Variants in NBPF26 observed in about 807,000 individuals in gnomAD.
NBPF26 encodes NBPF family member NBPF26.
NBPF26 carries 79 observed loss-of-function variants against 119.6 expected under a neutral mutation model. That is an observed-to-expected ratio of 0.66 (90% confidence interval 0.55 to 0.80). The LOEUF (loss-of-function observed/expected upper bound fraction) is 0.80. NBPF26 is among the 30% of genes least tolerant of loss of function. NBPF26 has a pLI of 0.00. For missense variants in NBPF26, 800 were observed against 1,198.2 expected (o/e 0.67, Z 4.91); for synonymous variants, 299 against 457.7 (o/e 0.65, Z 4.43).
At chr1:120,752,546 A>AT (rs1651030391) in intron 1 of NBPF26, among the ~76,000 whole-genome samples, 2 of 12,760 alleles carry the variant, frequency 1.6e-4, no homozygotes, top group Non-Finnish European at 2.7e-4. Context: ...ATATATATAT[A>AT]TATATATATT....
At position 120,733,113 on chromosome 1, in the gene NBPF26, TTA is replaced by T. The variant is rs1257251313; in HGVS notation, c.73+8881_73+8882del. Among the ~76,000 whole-genome samples, 5 of 85,046 alleles carry T rather than the reference TTA, an allele frequency of 5.9e-5. 1 individual carries two copies. The highest frequency in any genetic ancestry group is 5.4e-3 in the Middle Eastern group (1 of 184). The allele number at this position is 85,046 out of a possible 152,430, so 55.8% of individuals were successfully genotyped here. A position where few individuals can be genotyped will look rare whatever the true frequency, so the allele number is the denominator to read the frequency against. ...ATTTAGAAAAGCTGTTGATTTATTT[TTA>T]TATATATATATATATATGTTTAGTT... On this transcript the variant is annotated intron_variant, in intron 1 of 29. Transcript: ENST00000620612.
rs1249363065 is a variant in NBPF26, at chr1:120,805,610, A to C, written c.806A>C (p.His269Pro). Residue 269 changes from histidine to proline, a missense_variant, in exon 5 of 30, where the codon CAT becomes CCT. This residue lies in a region of NBPF26 where 155 missense variants were observed against 143.7 expected (regional missense o/e 1.08). Coordinates refer to ENST00000620612, the Ensembl canonical transcript of NBPF26. ...GTCAGCATGGTGGTATCAGCCGGCC[A>C]TTGGTCCAGTGAGAAGGCAGAGATG... is the stretch of plus-strand genomic sequence containing the variant. 1.2e-4 allele frequency: 171 copies of C among 1,462,874 alleles called. 28 individuals are homozygous for C. Among genetic ancestry groups the C allele is most frequent in the African/African-American group, 3.6e-4 (18 of 49,984 alleles). 90.6% of individuals were successfully genotyped at this position (1,462,874 alleles called of 1,614,324 possible). A position where few individuals can be genotyped will look rare whatever the true frequency, so the allele number is the denominator to read the frequency against.
chr1:120,813,514 C>G (rs1180197395), intron 10 of NBPF26, among the ~76,000 whole-genome samples: 1 of 126,920 alleles, frequency 7.9e-6, no homozygotes, highest in South Asian at 2.4e-4. Context: ...AGGGGCTTTC[C>G]CAACTGTACA....
intron 5 of NBPF26, among the ~76,000 whole-genome samples, chr1:120,806,557 A>C (rs1478496682): frequency 1.8e-4 from 22 of 125,356 alleles, no homozygotes; most frequent in Non-Finnish European, 2.4e-4. Flanking sequence ...TGCACTATTG[A>C]ACTCCAGCAT....
chr1:120,724,149 C>A lies in NBPF26; in HGVS notation c.-29C>A, dbSNP rs1254913284. ...GCCCAGGCGGCGGCGGCGGCGGCGGCGGAGGAGGAGGAGGAGGCGACCGAG... is the reference window on the plus strand; with the variant it reads ...GCCCAGGCGGCGGCGGCGGCGGCGGAGGAGGAGGAGGAGGAGGCGACCGAG... On this transcript the variant is annotated 5_prime_UTR_variant, in exon 1 of 30. Coordinates refer to ENST00000620612, the Ensembl canonical transcript of NBPF26. 2.3e-4 allele frequency: 266 copies of A among 1,179,586 alleles called. 37 individuals carry two copies. The highest frequency in any genetic ancestry group is 1.1e-3 in the East Asian group (37 of 33,794). The allele number at this position is 1,179,586 out of a possible 1,614,324, so 73.1% of individuals were successfully genotyped here. A position where few individuals can be genotyped will look rare whatever the true frequency, so the allele number is the denominator to read the frequency against.
rs1447141919 is a variant in NBPF26, at chr1:120,724,563, G to A, written c.73+313G>A. Among the ~76,000 whole-genome samples the A allele has an allele frequency of 2.6e-5, 3 of 116,038 alleles. 1 individual carries two copies. The highest frequency in any genetic ancestry group is 5.1e-5 in the Non-Finnish European group (3 of 59,330). 76.1% of individuals were successfully genotyped at this position (116,038 alleles called of 152,430 possible). ...CGTAGTGCCAGGGTGCAGGGAGGTG[G>A]GCAGTTTTGCCCTTCAGGTTCCGCG... On this transcript the variant is annotated intron_variant, in intron 1 of 29. Transcript: ENST00000620612.
chr1:120,825,191 C>G (rs1346621571), intron 18 of NBPF26, among the ~76,000 whole-genome samples: 1 of 122,510 alleles, frequency 8.2e-6, no homozygotes, highest in South Asian at 2.3e-4. Flanking sequence ...ATTGAGCCCA[C>G]TCTTTTCATG....
At chr1:120,813,381 T>C (rs1265714807) in intron 10 of NBPF26, among the ~76,000 whole-genome samples, 1 of 127,742 alleles carries the variant, frequency 7.8e-6, no homozygotes, top group Non-Finnish European at 1.6e-5. Context: ...CACTTTATGC[T>C]TCAGATATGA....
downstream of NBPF26, chr1:120,840,806 G>T: frequency 1.7e-6 from 1 of 583,302 alleles, no homozygotes; most frequent in East Asian, 2.8e-5. Context: ...TCACATAACT[G>T]TGCAGCACAT....
chr1:120,784,269 C>T lies in NBPF26; in HGVS notation c.156-705C>T, dbSNP rs1324972960. On this transcript the variant is annotated intron_variant, in intron 2 of 29. Coordinates refer to ENST00000620612, the Ensembl canonical transcript of NBPF26. ...AAAGCAAATATATGGTTCTGTACAC[C>T]GGCTTTAGGAGAGTAAGTCTGTTGT... Among the ~76,000 whole-genome samples the T allele has an allele frequency of 1.2e-4, 14 of 117,524 alleles. 2 individuals carry two copies. The highest frequency in any genetic ancestry group is 7.4e-4 in the South Asian group (3 of 4,070). The allele number at this position is 117,524 out of a possible 152,430, so 77.1% of individuals were successfully genotyped here.
chr1:120,793,572 A>G, intron 4 of NBPF26, 76 bp downstream of exon 4: 1 of 1,091,100 alleles, frequency 9.2e-7, no homozygotes, highest in South Asian at 1.4e-5. Context: ...GCTCAATTGC[A>G]TTTTTTAGGA....
chr1:120,806,281 T>C (rs1260328766), intron 5 of NBPF26, among the ~76,000 whole-genome samples: 2 of 120,054 alleles, frequency 1.7e-5, no homozygotes, highest in Non-Finnish European at 3.3e-5. Flanking sequence ...CTGTGCTATC[T>C]ATAAGTGACA....
intron 6 of NBPF26, 135 bp downstream of exon 6, chr1:120,807,844 C>T: frequency 1.9e-6 from 1 of 531,222 alleles, no homozygotes. Context: ...TCGCTACACA[C>T]AAATATTTAT....
rs1374625795 is a variant in NBPF26, at chr1:120,802,664, A to C, written c.752-2892A>C. On this transcript the variant is annotated intron_variant, in intron 4 of 29. Coordinates refer to ENST00000620612, the Ensembl canonical transcript of NBPF26. ...CTCAGCTTACAAGAAAAGGAATCAT[A>C]CTGCTAAGAATTCAAACTTCAGCAG... is the stretch of plus-strand genomic sequence containing the variant. Among the ~76,000 whole-genome samples the C allele has an allele frequency of 1.7e-5, 2 of 119,276 alleles. 1 individual carries two copies. The highest frequency in any genetic ancestry group is 3.3e-5 in the Non-Finnish European group (2 of 61,360). 78.2% of individuals were successfully genotyped at this position (119,276 alleles called of 152,430 possible). A position where few individuals can be genotyped will look rare whatever the true frequency, so the allele number is the denominator to read the frequency against.
In NBPF26 at chr1:120,754,259, A is replaced by T. The variant is rs1374386087; in HGVS notation, c.74-9369A>T. Among the ~76,000 whole-genome samples the T allele has an allele frequency of 8.4e-5, 3 of 35,548 alleles. No homozygotes were observed. In the East Asian group the frequency reaches 2.0e-3, roughly 24 times the overall value. 23.3% of individuals were successfully genotyped at this position (35,548 alleles called of 152,430 possible). A position where few individuals can be genotyped will look rare whatever the true frequency, so the allele number is the denominator to read the frequency against. On this transcript the variant is annotated intron_variant, in intron 1 of 29. Coordinates refer to ENST00000620612, the Ensembl canonical transcript of NBPF26. ...ACTAAAAGCACAGGAAATTGGTGAC[A>T]GGCAAAATTTGTCTTGATAATCGTA...
Position 120,768,671 on chromosome 1 carries a change from T to C in NBPF26, c.155+4962T>C, listed in dbSNP as rs1380948565. On this transcript the variant is annotated intron_variant, in intron 2 of 29. Coordinates refer to ENST00000620612, the Ensembl canonical transcript of NBPF26. ...AGTTTGCTTCGCTTTTTCTGAGGCT[T>C]ATATCCCTTCTAGTTTATGCCTGCT... Among the ~76,000 whole-genome samples the C allele has an allele frequency of 2.0e-5, 2 of 102,118 alleles. 1 individual carries two copies. The highest frequency in any genetic ancestry group is 1.3e-4 in the African/African-American group (2 of 15,790). The allele number at this position is 102,118 out of a possible 152,430, so 67.0% of individuals were successfully genotyped here.
At chr1:120,760,397 AC>A (rs1483618805) in intron 1 of NBPF26, among the ~76,000 whole-genome samples, 1 of 124,820 alleles carries the variant, frequency 8.0e-6, no homozygotes, top group Non-Finnish European at 1.6e-5. Flanking sequence ...CTGGTCTTGA[AC>A]TCCTGACCTC....
In NBPF26 at chr1:120,785,180, G is replaced by A; in HGVS notation, c.362G>A (p.Cys121Tyr). 4 of 1,445,734 alleles carry A rather than the reference G, an allele frequency of 2.8e-6. 1 individual carries two copies. The highest frequency in any genetic ancestry group is 1.8e-4 in the Middle Eastern group (1 of 5,650). 89.6% of individuals were successfully genotyped at this position (1,445,734 alleles called of 1,614,324 possible). The change falls in exon 3 of 30, where the codon TGC (cysteine) becomes TAC (tyrosine). Residue 121 changes from cysteine to tyrosine, a missense_variant. By Grantham distance (194) the Cys-to-Tyr change is radical (BLOSUM62 -2). This residue lies in a region of NBPF26 where 209 missense variants were observed against 285.2 expected (regional missense o/e 0.73). Coordinates refer to ENST00000620612, the Ensembl canonical transcript of NBPF26. The stretch of plus-strand genomic sequence containing the variant: ...CGACCTTGCCTGAATGGCGGCACAT[G>A]CCATATGCTCAGCCGGGATACCTAT...
chr1:120,839,844 G>A, intron 29 of NBPF26, 104 bp downstream of exon 35: 1 of 149,296 alleles, frequency 6.7e-6, no homozygotes, highest in East Asian at 1.6e-4. Flanking sequence ...AACGAAGGCT[G>A]AATTACTCCT....
Sources: gnomAD v4.1 joint callset for allele counts (sites outside exome capture counted in the v4.1 genomes callset) on GRCh38, gnomAD v4.1.1 for gene constraint, gnomAD v4.1.1 regional missense constraint, MANE v1.5 for transcripts, NCBI Gene and HGNC (gene_info 2026-07-23, HGNC 2026-07-21) for gene names.